Variants in DOK7 observed in about 807,000 individuals in gnomAD.
DOK7 encodes protein Dok-7.
Under a neutral mutation model 30.7 loss-of-function variants are expected in DOK7, and 32 were observed. That is an observed-to-expected ratio of 1.04 (90% CI 0.79 to 1.40). The LOEUF (loss-of-function observed/expected upper bound fraction) is 1.40, where lower values mean the gene tolerates loss of function less well. Ranked by LOEUF, DOK7 falls within the 40% of genes most tolerant of loss-of-function variation. The probability of loss-of-function intolerance (pLI) is 0.00; values close to 1 mark genes in which losing one functional copy is unlikely to be tolerated. For synonymous variants in DOK7, 447 were observed against 324.1 expected (o/e 1.38, Z -4.07); for missense variants, 1,007 against 699.2 (o/e 1.44, Z -4.97).
chr4:3,495,027 C>T (rs1447939224), downstream of DOK7, among the ~76,000 whole-genome samples: 1 of 152,216 alleles, frequency 6.6e-6, no homozygotes, highest in African/African-American at 2.4e-5. Context: ...GCAGCAGTGC[C>T]TGGTGAGCAA....
intron 4 of DOK7, among the ~76,000 whole-genome samples, chr4:3,477,242 C>T (rs1208080454): frequency 6.6e-6 from 1 of 152,386 alleles, no homozygotes; most frequent in African/African-American, 2.4e-5. Flanking sequence ...ACCTGCAGTC[C>T]CCGCGGAGGG....
intron 6 of DOK7, among the ~76,000 whole-genome samples, chr4:3,491,296 C>G (rs1159900491): frequency 7.3e-6 from 1 of 136,968 alleles, no homozygotes; most frequent in Non-Finnish European, 1.6e-5. Flanking sequence ...CGCCCCCCCG[C>G]TCATTCATTC....
downstream of DOK7, among the ~76,000 whole-genome samples, chr4:3,497,566 C>T (rs974324218): frequency 2.6e-5 from 4 of 152,104 alleles, no homozygotes; most frequent in Non-Finnish European, 5.9e-5. Flanking sequence ...GGCATCAGGG[C>T]CAGTTCTGTG....
chr4:3,478,419 C>G (rs1727238067), intron 4 of DOK7, among the ~76,000 whole-genome samples: 1 of 152,212 alleles, frequency 6.6e-6, no homozygotes, highest in Non-Finnish European at 1.5e-5. Flanking sequence ...TGGGGGCACT[C>G]TTGTGGGGCC....
chr4:3,476,268 C>T (rs1459483574), intron 3 of DOK7, 74 bp from the exon 4 acceptor site: 4 of 1,174,378 alleles, frequency 3.4e-6, no homozygotes, highest in East Asian at 6.7e-5. Flanking sequence ...CCGTGATGCC[C>T]TCTCACCCCA....
chr4:3,489,319 C>T (rs1406881452), intron 5 of DOK7, among the ~76,000 whole-genome samples: 1 of 151,998 alleles, frequency 6.6e-6, no homozygotes, highest in Non-Finnish European at 1.5e-5. Flanking sequence ...GCGAGGCCGG[C>T]CCTGGGGATG....
At chr4:3,495,674 G>A (rs1317022329), downstream of DOK7, among the ~76,000 whole-genome samples, 2 of 152,194 alleles carry the variant, frequency 1.3e-5, no homozygotes, top group South Asian at 2.1e-4. Context: ...GCAACCAGAT[G>A]GGACAGACAC....
chr4:3,485,728 G>A (rs1348811567), intron 5 of DOK7, 70 bp downstream of exon 5: 11 of 1,411,482 alleles, frequency 7.8e-6, no homozygotes, highest in African/African-American at 4.4e-5. Flanking sequence ...GGGGCGGGGG[G>A]CCACAGTGAT....
chr4:3,498,294 G>A (rs184030242), downstream of DOK7, among the ~76,000 whole-genome samples: 25 of 152,300 alleles, frequency 1.6e-4, no homozygotes, highest in Non-Finnish European at 2.5e-4. Context: ...CAGTGGCCTT[G>A]GGGGAGATAC....
At chr4:3,497,205 G>A (rs995975929), downstream of DOK7, among the ~76,000 whole-genome samples, 5 of 152,020 alleles carry the variant, frequency 3.3e-5, no homozygotes, top group Non-Finnish European at 7.4e-5. Flanking sequence ...GGGTCCCCAA[G>A]CCCTGAGTGT....
Position 3,493,806 on chromosome 4 carries a change from T to C in DOK7, c.*305T>C. The stretch of plus-strand genomic sequence containing the variant: ...GAGGATCAGGTGAGTGCTGCACCTC[T>C]GTTGGCTCGTGCCTTGCACTGGGGT... On this transcript the variant is annotated 3_prime_UTR_variant, in exon 7 of 7. Coordinates refer to ENST00000340083, the MANE Select transcript of DOK7 (RefSeq NM_173660.5). The C allele has an allele frequency of 7.7e-7, 1 of 1,291,726 alleles. No homozygotes were observed. Among genetic ancestry groups the C allele is most frequent in the East Asian group, 3.4e-5 (1 of 29,320 alleles). The allele number at this position is 1,291,726 out of a possible 1,614,324, so 80.0% of individuals were successfully genotyped here. A position where few individuals can be genotyped will look rare whatever the true frequency, so the allele number is the denominator to read the frequency against.
intron 5 of DOK7, among the ~76,000 whole-genome samples, chr4:3,488,028 C>T (rs775554573): frequency 1.4e-4 from 22 of 152,236 alleles, no homozygotes; most frequent in Admixed American, 1.3e-3. Context: ...ACCAGCAGGC[C>T]GTGTCGGGAG....
intron 4 of DOK7, among the ~76,000 whole-genome samples, chr4:3,482,627 T>C (rs1727500288): frequency 6.6e-6 from 1 of 152,048 alleles, no homozygotes; most frequent in Non-Finnish European, 1.5e-5. Flanking sequence ...GGAAACAGAG[T>C]GGCCGGCTTT....
At chr4:3,483,390 G>A (rs552083514) in intron 4 of DOK7, among the ~76,000 whole-genome samples, 3 of 152,232 alleles carry the variant, frequency 2.0e-5, no homozygotes, top group South Asian at 4.2e-4. Flanking sequence ...GAGCCTAGTC[G>A]TGCGGTGTCC....
chr4:3,484,294 C>A (rs1017364151), intron 4 of DOK7, among the ~76,000 whole-genome samples: 1 of 152,176 alleles, frequency 6.6e-6, no homozygotes, highest in Non-Finnish European at 1.5e-5. Flanking sequence ...CGCCACGTGT[C>A]GGGGCTGGCC....
At chr4:3,490,079 T>A (rs1728120555) in intron 6 of DOK7, among the ~76,000 whole-genome samples, 1 of 120,314 alleles carries the variant, frequency 8.3e-6, no homozygotes, top group African/African-American at 3.0e-5. Context: ...CATTCCTTTC[T>A]TCACCCCCTC....
chr4:3,499,785 C>T (rs749349021), intron 6 of DOK7, among the ~76,000 whole-genome samples: 2 of 151,086 alleles, frequency 1.3e-5, no homozygotes, highest in Non-Finnish European at 3.0e-5. Context: ...GGGGGTGACC[C>T]CGGAGGACAG....
At chr4:3,473,149 A>G (rs1178641253) in intron 2 of DOK7, among the ~76,000 whole-genome samples, 2 of 152,238 alleles carry the variant, frequency 1.3e-5, no homozygotes, top group Non-Finnish European at 2.9e-5. Flanking sequence ...GAACCCAGTC[A>G]TGGGAGCCAG....
downstream of DOK7, among the ~76,000 whole-genome samples, chr4:3,497,688 A>G (rs907196843): frequency 2.7e-5 from 4 of 150,510 alleles, no homozygotes; most frequent in Admixed American, 2.6e-4. Context: ...AGGCCTGGAG[A>G]GGACACCCAG....
Sources: allele counts gnomAD v4.1 joint callset (sites outside exome capture counted in the v4.1 genomes callset), GRCh38; gene constraint gnomAD v4.1.1; transcripts MANE v1.5; gene names NCBI Gene and HGNC (gene_info 2026-07-23, HGNC 2026-07-21).